The following DCN variants were observed in gnomAD, a reference collection of about 807,000 sequenced individuals.
The protein encoded by DCN is bone proteoglycan II.
DCN carries 17 observed loss-of-function variants against 36.5 expected under a neutral mutation model. The observed-to-expected ratio is 0.47, with a 90% CI of 0.32 to 0.70. The LOEUF is 0.70. Ranked by LOEUF, DCN falls within the 30% of genes least tolerant of loss-of-function variation. DCN has a pLI of 0.04. For missense variants in DCN, 389 were observed against 430.1 expected (o/e 0.90, Z 0.84); for synonymous variants, 163 against 161.4 (o/e 1.01, Z -0.07).
At chr12:91,153,213 T>G (rs3138263) in intron 5 of DCN, 24 bp from the exon 6 acceptor site, 1 of 1,274,100 alleles carries the variant, frequency 7.8e-7, no homozygotes, top group East Asian at 2.3e-5. Context: ...TTAAAGATGT[T>G]AAATTAGCAG....
chr12:91,169,293 T>A (rs1354689717), intron 2 of DCN, among the ~76,000 whole-genome samples: 2 of 138,712 alleles, frequency 1.4e-5, no homozygotes, highest in South Asian at 2.3e-4. Context: ...GGAAGGAGGA[T>A]CCCCTGAGCC....
At chr12:91,173,784 C>G (rs966159328) in intron 2 of DCN, among the ~76,000 whole-genome samples, 1 of 152,148 alleles carries the variant, frequency 6.6e-6, no homozygotes, top group Non-Finnish European at 1.5e-5. Context: ...TCTAATGGTT[C>G]ATTTACCTCT....
intron 3 of DCN, among the ~76,000 whole-genome samples, chr12:91,161,936 T>A (rs889784632): frequency 1.3e-5 from 2 of 150,362 alleles, no homozygotes; most frequent in African/African-American, 2.4e-5. Flanking sequence ...CACTGTTTTA[T>A]CTACCAATTT....
rs199954969 is a variant in DCN, at chr12:91,160,963, ATTCT to A, written c.325-2458_325-2455del. On this transcript the variant is annotated intron_variant, in intron 3 of 7. Coordinates refer to ENST00000052754, the MANE Select transcript of DCN (RefSeq NM_001920.5). ...CATACAGGGAACATGATTCTGTTAA[ATTCT>A]TTCTATTTTAATCCTTGCTAAATTT... Among the ~76,000 whole-genome samples the A allele has an allele frequency of 3.3e-3, 502 of 152,290 alleles. 6 individuals are homozygous for A. The highest frequency in any genetic ancestry group is 0.024 in the Admixed American group (371 of 15,288).
intron 1 of DCN, chr12:91,179,685 G>A (rs1428930790): frequency 6.6e-6 from 1 of 151,986 alleles, no homozygotes; most frequent in Non-Finnish European, 1.5e-5. Flanking sequence ...CAAGCAATCA[G>A]TCTGATTTTT....
chr12:91,172,534 T>G (rs548024925), intron 2 of DCN: 1 of 351,466 alleles, frequency 2.8e-6, no homozygotes, highest in South Asian at 3.5e-5. Context: ...GCTTCATACA[T>G]AGATGATTCT....
At chr12:91,147,302 C>A (rs1172021008) in intron 7 of DCN, among the ~76,000 whole-genome samples, 1 of 152,216 alleles carries the variant, frequency 6.6e-6, no homozygotes, top group Non-Finnish European at 1.5e-5. Context: ...GTCTTCAAGG[C>A]TTGTTGCCTC....
intron 7 of DCN, among the ~76,000 whole-genome samples, chr12:91,149,406 A>G (rs1408690501): frequency 6.6e-6 from 1 of 152,218 alleles, no homozygotes; most frequent in African/African-American, 2.4e-5. Context: ...AAAAATTCAT[A>G]ATAAATGTTT....
rs1880901312 is a variant in DCN at position 91,144,545 on chromosome 12, A to G, written c.*1513T>C. On this transcript the variant is annotated 3_prime_UTR_variant, in exon 8 of 8. Coordinates refer to ENST00000052754, the MANE Select transcript of DCN (RefSeq NM_001920.5). Reference sequence around the variant, plus strand: ...CTGCAAGAATGTGGAAAGATGGAAAAGAGTAACTTTCCCTAATGTTAATAT... The same window carrying G: ...CTGCAAGAATGTGGAAAGATGGAAAGGAGTAACTTTCCCTAATGTTAATAT... The G allele has an allele frequency of 1.3e-5, 2 of 152,238 alleles. No individual in the cohort carries two copies. The highest frequency in any genetic ancestry group is 2.9e-5 in the Non-Finnish European group (2 of 68,044). 9.4% of individuals were successfully genotyped at this position (152,238 alleles called of 1,614,324 possible).
chr12:91,180,231 C>G (rs368620818), intron 1 of DCN: 1 of 149,804 alleles, frequency 6.7e-6, no homozygotes, highest in African/African-American at 2.5e-5. Flanking sequence ...GCTGTACGTT[C>G]GTAAGTAGAA....
Position 91,141,091 on chromosome 12 carries a change from G to T in DCN, c.*4967C>A, listed in dbSNP as rs1191472170. On this transcript the variant is annotated 3_prime_UTR_variant, in exon 8 of 8. Transcript: ENST00000052754. ...CTTGGCCTATTCCTGTTACCTTACA[G>T]TCTATACACGCAAAGGGATCCTCTC... 2 of 152,052 alleles carry T rather than the reference G, an allele frequency of 1.3e-5. No homozygotes were observed. Among genetic ancestry groups the T allele is most frequent in the Non-Finnish European group, 2.9e-5 (2 of 68,068 alleles). The allele number at this position is 152,052 out of a possible 1,614,324, so 9.4% of individuals were successfully genotyped here. A position where few individuals can be genotyped will look rare whatever the true frequency, so the allele number is the denominator to read the frequency against.
intron 5 of DCN, among the ~76,000 whole-genome samples, chr12:91,154,579 G>A (rs1881639483): frequency 6.6e-6 from 1 of 152,046 alleles, no homozygotes; most frequent in African/African-American, 2.4e-5. Flanking sequence ...TTTGACTATG[G>A]GAGAAAACCT....
chr12:91,149,415 T>G (rs1881261097), intron 7 of DCN, among the ~76,000 whole-genome samples: 1 of 152,160 alleles, frequency 6.6e-6, no homozygotes, highest in Non-Finnish European at 1.5e-5. Context: ...TAATAAATGT[T>G]TTCAGTAAAT....
intron 2 of DCN, among the ~76,000 whole-genome samples, chr12:91,170,054 ACT>A (rs1210257060): frequency 6.7e-6 from 1 of 148,834 alleles, no homozygotes; most frequent in Admixed American, 6.7e-5. Context: ...ACAGAGCAAG[ACT>A]CTGTCTAAAA....
chr12:91,160,414 T>A (rs1380353153), intron 3 of DCN, among the ~76,000 whole-genome samples: 1 of 152,012 alleles, frequency 6.6e-6, no homozygotes, highest in Non-Finnish European at 1.5e-5. Context: ...TATGATTTTT[T>A]TCTCCAAAGC....
At chr12:91,173,483 A>C (rs1420427492) in intron 2 of DCN, among the ~76,000 whole-genome samples, 1 of 152,158 alleles carries the variant, frequency 6.6e-6, no homozygotes, top group East Asian at 1.9e-4. Flanking sequence ...TTGTTTAACC[A>C]GGTCACATTG....
chr12:91,169,378 C>CAAAAAAAAAA (rs58056993), intron 2 of DCN, among the ~76,000 whole-genome samples: 1 of 73,380 alleles, frequency 1.4e-5, no homozygotes, highest in Non-Finnish European at 2.4e-5. Flanking sequence ...GAGATCCTGT[C>CAAAAAAAAAA]AAAAAAAAAA....
intron 2 of DCN, chr12:91,172,793 GTAAAGAGTCTA>G (rs1308758142): frequency 7.1e-6 from 5 of 699,602 alleles, no homozygotes; most frequent in African/African-American, 7.0e-5. Flanking sequence ...TCAGTGATGT[GTAAAGAGTCTA>G]CAAAGTATAA....
intron 7 of DCN, among the ~76,000 whole-genome samples, chr12:91,150,219 A>G (rs1292511441): frequency 6.6e-6 from 1 of 152,216 alleles, no homozygotes; most frequent in Non-Finnish European, 1.5e-5. Flanking sequence ...ATATAGATAA[A>G]TGTAATAGAA....
Sources: allele counts gnomAD v4.1 joint callset (sites outside exome capture counted in the v4.1 genomes callset), GRCh38; gene constraint gnomAD v4.1.1; transcripts MANE v1.5; gene names NCBI Gene and HGNC (gene_info 2026-07-23, HGNC 2026-07-21).